The following SSBP4 variants were observed in gnomAD, a reference collection of about 807,000 sequenced individuals.
SSBP4 encodes single stranded DNA binding protein 4.
In SSBP4, 33 loss-of-function variants were observed where a neutral mutation model predicts 64.6. The ratio of observed to expected loss-of-function variants is 0.51; its 90% CI spans 0.39 to 0.68. The LOEUF (loss-of-function observed/expected upper bound fraction) is 0.68. Among genes scored for constraint, SSBP4 ranks in the 30% least tolerant of loss-of-function variants. The probability of loss-of-function intolerance (pLI) is 0.00; values close to 1 mark genes in which losing one functional copy is unlikely to be tolerated. For synonymous variants in SSBP4, 243 were observed against 224.0 expected (o/e 1.08, Z -0.76); for missense variants, 583 against 566.8 (o/e 1.03, Z -0.29).
At chr19:18,420,421 G>T (rs1015625037) in intron 1 of SSBP4, among the ~76,000 whole-genome samples, 2 of 152,134 alleles carry the variant, frequency 1.3e-5, no homozygotes, top group African/African-American at 2.4e-5. Context: ...TCCACCGTGC[G>T]GATGGAGGAA....
At chr19:18,419,869 G>T (rs1600278687) in intron 1 of SSBP4, among the ~76,000 whole-genome samples, 162 bp downstream of exon 1, 1 of 113,710 alleles carries the variant, frequency 8.8e-6, no homozygotes, top group South Asian at 3.1e-4. Context: ...CCCCCGAGGG[G>T]CACGAGATTG....
chr19:18,432,113 C>A, intron 9 of SSBP4, 34 bp from the exon 10 acceptor site: 2 of 1,608,078 alleles, frequency 1.2e-6, no homozygotes, highest in Non-Finnish European at 1.7e-6. Context: ...GGGCTGTCCC[C>A]GGTCTACCCC....
In SSBP4 at chr19:18,433,572, TC is replaced by T; in HGVS notation, c.992-11del. 1 of 1,539,554 alleles carries T rather than the reference TC, an allele frequency of 6.5e-7. No individual in the cohort carries two copies. The highest frequency in any genetic ancestry group is 1.7e-4 in the Middle Eastern group (1 of 5,850). ...ACGTCTGAGCCGGTGCCCGTGTCTG[TC>T]CGTGTCTGTAGGCTCGGGCGACATG... is the stretch of plus-strand genomic sequence containing the variant. On this transcript the variant is annotated splice_polypyrimidine_tract_variant and intron_variant, in intron 15 of 17. Transcript: ENST00000270061.
intron 4 of SSBP4, among the ~76,000 whole-genome samples, chr19:18,429,381 G>A (rs921321675): frequency 2.0e-5 from 3 of 152,040 alleles, no homozygotes; most frequent in Non-Finnish European, 4.4e-5. Context: ...GACGTAGGGG[G>A]TCTGGCCCGG....
rs553122983 is a variant in SSBP4 at position 18,431,025 on chromosome 19, G to C, written c.369+95G>C. The C allele has an allele frequency of 4.3e-5, 61 of 1,427,540 alleles. No homozygotes were observed. The South Asian group carries it at 6.8e-4, about 16-fold the overall frequency. The allele number at this position is 1,427,540 out of a possible 1,614,324, so 88.4% of individuals were successfully genotyped here. A position where few individuals can be genotyped will look rare whatever the true frequency, so the allele number is the denominator to read the frequency against. On this transcript the variant is annotated intron_variant, in intron 5 of 17. Transcript: ENST00000270061. The stretch of plus-strand genomic sequence containing the variant: ...CCACGTGGGCAGAGGTCATGAGGCC[G>C]GCAGGCTGGAGTTGGGTGGGAGGGT...
intron 1 of SSBP4, among the ~76,000 whole-genome samples, chr19:18,424,120 A>G (rs1051535655): frequency 1.6e-4 from 25 of 152,190 alleles, no homozygotes; most frequent in Non-Finnish European, 8.8e-5. Flanking sequence ...AAAAGGACCA[A>G]TGTGGAAGGG....
At chr19:18,428,232 G>A (rs1316054988) in intron 4 of SSBP4, among the ~76,000 whole-genome samples, 1 of 152,134 alleles carries the variant, frequency 6.6e-6, no homozygotes, top group Non-Finnish European at 1.5e-5. Flanking sequence ...CACTTCTGAG[G>A]GTCCCCACAG....
Position 18,433,565 on chromosome 19 carries a change from G to A in SSBP4, c.992-20G>A. On this transcript the variant is annotated intron_variant, in intron 15 of 17. Transcript: ENST00000270061. ...CGCCAGCACGTCTGAGCCGGTGCCC[G>A]TGTCTGTCCGTGTCTGTAGGCTCGG... 1.3e-6 allele frequency: 2 copies of A among 1,545,248 alleles called. No individual in the cohort carries two copies. Among genetic ancestry groups the A allele is most frequent in the Non-Finnish European group, 1.7e-6 (2 of 1,145,624 alleles).
intron 1 of SSBP4, among the ~76,000 whole-genome samples, chr19:18,425,315 C>T (rs1252872823): frequency 6.6e-6 from 1 of 152,156 alleles, no homozygotes; most frequent in African/African-American, 2.4e-5. Context: ...CGGGGCCGCT[C>T]ACCAGCGTTC....
rs1973847058 is a variant in SSBP4, at chr19:18,434,437, C to T, written c.*191C>T. On this transcript the variant is annotated 3_prime_UTR_variant, in exon 18 of 18. Transcript: ENST00000270061. ...GCAAGGACCTCAGAGACGTTCTTTT[C>T]TGTATGGACCCTTCCTGCCATTTGT... 2.8e-6 allele frequency: 3 copies of T among 1,073,866 alleles called. No individual in the cohort carries two copies. Among genetic ancestry groups the T allele is most frequent in the South Asian group, 2.2e-5 (1 of 45,422 alleles). The allele number at this position is 1,073,866 out of a possible 1,614,324, so 66.5% of individuals were successfully genotyped here. A position where few individuals can be genotyped will look rare whatever the true frequency, so the allele number is the denominator to read the frequency against.
intron 1 of SSBP4, among the ~76,000 whole-genome samples, chr19:18,421,256 C>G (rs1201625620): frequency 6.6e-6 from 1 of 152,208 alleles, no homozygotes; most frequent in East Asian, 1.9e-4. Context: ...TCAGGCCTCC[C>G]TTGCCTGTGT....
intron 1 of SSBP4, among the ~76,000 whole-genome samples, chr19:18,421,370 A>G (rs1308030748): frequency 1.3e-5 from 2 of 152,218 alleles, no homozygotes; most frequent in South Asian, 2.1e-4. Flanking sequence ...GGTGTCTGCC[A>G]TGGTCACCCC....
chr19:18,430,072 A>G (rs1973222175), intron 4 of SSBP4, among the ~76,000 whole-genome samples: 3 of 152,044 alleles, frequency 2.0e-5, no homozygotes, highest in Admixed American at 2.0e-4. Context: ...GCTTGGGCCG[A>G]CCCCAGAGAG....
chr19:18,425,571 C>A (rs1462778277), intron 1 of SSBP4, among the ~76,000 whole-genome samples: 1 of 152,046 alleles, frequency 6.6e-6, no homozygotes, highest in Non-Finnish European at 1.5e-5. Flanking sequence ...CAGGGTGCCA[C>A]AGAAGTGAGC....
chr19:18,417,098 C>T (rs573073323), upstream of SSBP4, among the ~76,000 whole-genome samples: 1 of 152,104 alleles, frequency 6.6e-6, no homozygotes, highest in East Asian at 1.9e-4. The surrounding 1 kb of genome is among the most constrained non-coding windows in gnomAD (Gnocchi z 5.4). Context: ...CCTCCGCCCT[C>T]CCCCGGGAGA....
rs1972935269 is a variant in SSBP4, at chr19:18,427,442, GC to G, written c.132+20del. The G allele has an allele frequency of 6.2e-7, 1 of 1,607,016 alleles. No homozygotes were observed. On this transcript the variant is annotated intron_variant, in intron 2 of 17. Coordinates refer to ENST00000270061, the MANE Select transcript of SSBP4 (RefSeq NM_032627.5). This position sits in a 1 kb window ranked among gnomAD's most constrained non-coding sequence, Gnocchi z 4.4. ...GTCTGAGGTAAGCCACCACCTCCAGGCTGGCCCTCCCTCCTCACCCACACTC... is the reference window on the plus strand; with the variant it reads ...GTCTGAGGTAAGCCACCACCTCCAGGTGGCCCTCCCTCCTCACCCACACTC...
chr19:18,412,063 G>A, the SSBP4 span, among the ~76,000 whole-genome samples: 24 of 152,312 alleles, frequency 1.6e-4, no homozygotes, highest in Admixed American at 3.3e-4. Flanking sequence ...TACTCGGGAA[G>A]CTGAGCTGCG....
chr19:18,433,588 C>T lies in SSBP4; in HGVS notation c.995C>T (p.Ser332Leu), dbSNP rs1162229327. 1 of 1,479,382 alleles carries T rather than the reference C, an allele frequency of 6.8e-7. No individual in the cohort carries two copies. The allele number at this position is 1,479,382 out of a possible 1,614,324, so 91.6% of individuals were successfully genotyped here. Reference protein sequence around the residue: ...EPHHVNGSLGSGDMDGLPKSS... With the variant: ...EPHHVNGSLGLGDMDGLPKSS... ...CCGTGTCTGTCCGTGTCTGTAGGCT[C>T]GGGCGACATGGACGGGTTGCCGAAG... The change falls in exon 16 of 18, where the codon TCG becomes TTG. Residue 332 changes from serine to leucine, a missense_variant. Physicochemically the swap from Ser to Leu is moderately radical, Grantham distance 145. Around this residue, in one of 5 missense-constraint regions of SSBP4, gnomAD observed 444 missense variants for 386.6 expected, o/e 1.15. Transcript: ENST00000270061.
At chr19:18,406,159 A>G in the SSBP4 span, among the ~76,000 whole-genome samples, 3 of 150,616 alleles carry the variant, frequency 2.0e-5, no homozygotes, top group Non-Finnish European at 4.4e-5. Context: ...TTATTTATTT[A>G]TTTATTTTTA....
Sources: allele counts gnomAD v4.1 joint callset (sites outside exome capture counted in the v4.1 genomes callset), GRCh38; gene constraint gnomAD v4.1.1; regional missense constraint gnomAD v4.1.1; non-coding constraint Gnocchi (gnomAD v3.1); transcripts MANE v1.5; gene names NCBI Gene and HGNC (gene_info 2026-07-23, HGNC 2026-07-21).